Variants in TEX11 observed in about 807,000 individuals in gnomAD.
The protein encoded by TEX11 is testis expressed 11.
TEX11 carries 7 observed loss-of-function variants against 84.4 expected under a neutral mutation model. The ratio of observed to expected loss-of-function variants is 0.08; its 90% CI spans 0.05 to 0.16. TEX11 has a LOEUF of 0.16. Ranked by LOEUF, TEX11 falls within the 10% of genes least tolerant of loss-of-function variation. The pLI, the probability that TEX11 is intolerant of heterozygous loss-of-function variation, is 1.00. For synonymous variants in TEX11, 264 were observed against 222.8 expected (o/e 1.18, Z -1.64); for missense variants, 551 against 660.5 (o/e 0.83, Z 1.82).
In TEX11 at chrX:70,707,945, A is replaced by G. The variant is rs146515285; in HGVS notation, c.1004+14673T>C. 1.1e-4 allele frequency among the ~76,000 whole-genome samples: 12 copies of G among 111,168 alleles called. No homozygotes were observed. The East Asian group carries it at 3.4e-3, about 31-fold the overall frequency. On this transcript the variant is annotated intron_variant, in intron 13 of 29. Coordinates refer to ENST00000374333, the MANE Select transcript of TEX11 (RefSeq NM_031276.3). ...GACAAGTGAGACTTAATTACACTAA[A>G]GAGCTTCTGCACAGCATAAAAAAAA...
intron 9 of TEX11, among the ~76,000 whole-genome samples, chrX:70,757,416 G>A (rs947651122): frequency 1.8e-5 from 2 of 111,840 alleles, no homozygotes; most frequent in African/African-American, 3.3e-5. Context: ...GACTAATAGC[G>A]GATCTCTCAG....
At chrX:70,528,249 T>C, downstream of TEX11, among the ~76,000 whole-genome samples, 1 of 111,884 alleles carries the variant, frequency 8.9e-6, no homozygotes, top group African/African-American at 3.2e-5. Flanking sequence ...TAGTATGAGG[T>C]AGGACATTTT....
chrX:70,660,599 C>T (rs1429643829), intron 16 of TEX11, among the ~76,000 whole-genome samples: 1 of 112,334 alleles, frequency 8.9e-6, no homozygotes, highest in Non-Finnish European at 1.9e-5. Context: ...TCTTGTCCCA[C>T]TGGAAAGTCC....
chrX:70,903,718 C>A (rs1402257261), intron 2 of TEX11, among the ~76,000 whole-genome samples: 2 of 110,065 alleles, frequency 1.8e-5, no homozygotes, highest in South Asian at 8.2e-4. Flanking sequence ...AGACACTTTC[C>A]GGGGTACAAG....
chrX:70,807,036 A>G (rs960090701), intron 8 of TEX11, among the ~76,000 whole-genome samples: 2 of 112,679 alleles, frequency 1.8e-5, no homozygotes, highest in Non-Finnish European at 3.7e-5. Flanking sequence ...AGGTTGGAGA[A>G]TTAGTTATGT....
chrX:70,547,027 C>CAAAAAAAAAAAAAAAAA (rs58220663), intron 28 of TEX11, among the ~76,000 whole-genome samples: 2 of 33,872 alleles, frequency 5.9e-5, no homozygotes, highest in Non-Finnish European at 9.5e-5. Context: ...TATTATTCAG[C>CAAAAAAAAAAAAAAAAA]AAAAAAAAAA....
downstream of TEX11, among the ~76,000 whole-genome samples, chrX:70,526,439 C>T (rs945062795): frequency 3.6e-5 from 4 of 110,276 alleles, no homozygotes; most frequent in Non-Finnish European, 7.6e-5. Flanking sequence ...CGTGGTGGCA[C>T]ATGCCTGTAG....
chrX:70,695,614 G>A (rs932368595), intron 13 of TEX11, among the ~76,000 whole-genome samples: 7 of 111,912 alleles, frequency 6.3e-5, no homozygotes, highest in African/African-American at 2.3e-4. Context: ...GCATTTAACT[G>A]TAGGTTGATT....
At chrX:70,607,145 T>A in intron 22 of TEX11, 116 bp from the exon 23 acceptor site, 1 of 501,885 alleles carries the variant, frequency 2.0e-6, no homozygotes. Context: ...TAGTAAGGGG[T>A]TTCTCAAGGT....
chrX:70,729,462 A>T (rs769766759), intron 11 of TEX11, among the ~76,000 whole-genome samples: 1 of 112,196 alleles, frequency 8.9e-6, no homozygotes, highest in African/African-American at 3.2e-5. Flanking sequence ...AGAAGTCCTT[A>T]AAGGACCTGA....
Position 70,787,126 on chromosome X carries a change from C to T in TEX11, c.692+19579G>A, listed in dbSNP as rs1165763998. On this transcript the variant is annotated intron_variant, in intron 9 of 29. Transcript: ENST00000374333. The stretch of plus-strand genomic sequence containing the variant: ...TCCAGCCTGGGCAACAAAAGCAAAA[C>T]TCCATCCCAAATAAATAAATAAAGC... 3.6e-5 allele frequency among the ~76,000 whole-genome samples: 4 copies of T among 111,666 alleles called. No homozygotes were observed. In the East Asian group the frequency reaches 1.1e-3, roughly 32 times the overall value.
At chrX:70,884,224 G>T (rs954587451) in intron 2 of TEX11, among the ~76,000 whole-genome samples, 1 of 112,324 alleles carries the variant, frequency 8.9e-6, no homozygotes, top group African/African-American at 3.2e-5. Flanking sequence ...TAAAAATCAG[G>T]CCTTTTTGCT....
intron 24 of TEX11, among the ~76,000 whole-genome samples, chrX:70,604,235 T>C (rs933991910): frequency 8.9e-6 from 1 of 112,143 alleles, no homozygotes; most frequent in Non-Finnish European, 1.9e-5. Context: ...GAAAAACTTT[T>C]AGAAATTTAA....
chrX:70,636,397 A>G (rs1448405764), intron 17 of TEX11, among the ~76,000 whole-genome samples: 1 of 109,842 alleles, frequency 9.1e-6, no homozygotes, highest in African/African-American at 3.3e-5. Context: ...AGGGTCTAGT[A>G]CCACCCCAGT....
chrX:70,552,240 A>G lies in TEX11; in HGVS notation c.2406T>C (p.Cys802=). 8.3e-7 allele frequency: 1 copy of G among 1,206,494 alleles called. No homozygotes were observed. Among genetic ancestry groups the G allele is most frequent in the Non-Finnish European group, 1.1e-6 (1 of 893,894 alleles). Reference sequence around the variant, plus strand: ...CTGAGAGGTTAACCAAGTTGTGCATACATTTGCTGAAAATCAAAAAGAGAA... The same window carrying G: ...CTGAGAGGTTAACCAAGTTGTGCATGCATTTGCTGAAAATCAAAAAGAGAA... ...EPIDISQYSK[C]MHNLVNLSVP... is the part of the protein sequence containing the mutation. Residue 802 remains cysteine, a synonymous_variant, in exon 28 of 30, where the codon TGT becomes TGC. Transcript: ENST00000374333.
At chrX:70,548,052 A>AATTG (rs2088158309) in intron 28 of TEX11, among the ~76,000 whole-genome samples, 1 of 111,964 alleles carries the variant, frequency 8.9e-6, no homozygotes, top group African/African-American at 3.3e-5. Flanking sequence ...GGATTAAGAA[A>AATTG]ATTGGCACAC....
intron 16 of TEX11, among the ~76,000 whole-genome samples, chrX:70,669,499 C>T (rs1176141155): frequency 1.8e-5 from 2 of 112,591 alleles, no homozygotes; most frequent in African/African-American, 6.4e-5. Context: ...GCCTGTACAA[C>T]ATTATGATGA....
intron 8 of TEX11, among the ~76,000 whole-genome samples, chrX:70,808,537 T>C (rs146066412): frequency 0.057 from 6,131 of 107,323 alleles, 196 homozygotes; most frequent in Non-Finnish European, 0.093. Context: ...ATATAAATAA[T>C]ATACATTTAA....
intron 7 of TEX11, among the ~76,000 whole-genome samples, chrX:70,851,963 A>G (rs1189545218): frequency 1.8e-5 from 2 of 111,907 alleles, no homozygotes; most frequent in Non-Finnish European, 3.8e-5. Flanking sequence ...CACGGTTGCT[A>G]GAGCTAGGGT....
Sources: allele counts gnomAD v4.1 joint callset (sites outside exome capture counted in the v4.1 genomes callset), GRCh38; gene constraint gnomAD v4.1.1; transcripts MANE v1.5; gene names NCBI Gene and HGNC (gene_info 2026-07-23, HGNC 2026-07-21).